TTC19: variants seen among roughly 807,000 people sequenced by gnomAD.
TTC19 encodes tetratricopeptide repeat protein 19, mitochondrial.
TTC19 carries 38 observed loss-of-function variants against 49.5 expected under a neutral mutation model. The ratio of observed to expected loss-of-function variants is 0.77; its 90% confidence interval spans 0.59 to 1.01. The LOEUF is 1.01. Among genes scored for constraint, TTC19 ranks in the 50% least tolerant of loss-of-function variants. TTC19 has a pLI of 0.00. For synonymous variants in TTC19, 204 were observed against 185.2 expected, an observed-to-expected ratio of 1.10 and a Z score of -0.83; for missense variants, 475 against 477.7, an observed-to-expected ratio of 0.99 and a Z score of 0.05.
chr17:16,023,840 A>G (rs1341116384), intron 7 of TTC19: 1 of 152,254 alleles, frequency 6.6e-6, no homozygotes, highest in Non-Finnish European at 1.5e-5. Flanking sequence ...GTCTCATTTT[A>G]GTAACATAGT....
chr17:16,016,987 C>T (rs749382351), intron 7 of TTC19, among the ~76,000 whole-genome samples: 1 of 152,178 alleles, frequency 6.6e-6, no homozygotes, highest in Non-Finnish European at 1.5e-5. Flanking sequence ...AGCCACCATG[C>T]CCGGCCGATA....
chr17:16,017,448 CAAA>C (rs372559333), intron 7 of TTC19, among the ~76,000 whole-genome samples: 4,376 of 53,520 alleles, frequency 0.082, 136 homozygotes, highest in South Asian at 0.19. Flanking sequence ...GACTCCGGCT[CAAA>C]AAAAAAAAAA....
At chr17:16,026,905 A>G in intron 9 of TTC19, 1 of 652,126 alleles carries the variant, frequency 1.5e-6, no homozygotes, top group South Asian at 1.8e-5. Flanking sequence ...ACAGACCTGC[A>G]CTAGCCTGTC....
chr17:16,002,418 C>T (rs1244543387), intron 3 of TTC19, among the ~76,000 whole-genome samples: 2 of 152,122 alleles, frequency 1.3e-5, no homozygotes, highest in Non-Finnish European at 2.9e-5. Flanking sequence ...CTCAGGTGAT[C>T]CACCTGCCTT....
chr17:16,025,115 A>G lies in TTC19; in HGVS notation c.775A>G (p.Met259Val). ...CAAGCAGCCGTCACAGGCACAAAGG[A>G]TGTATGAAAAAGCTCTGCAGATTTC... ...FSKQPSQAQR[M>V]YEKALQISEE... Residue 259 changes from methionine to valine, a missense_variant, in exon 8 of 10, where the codon ATG becomes GTG. By Grantham distance (21) the Met-to-Val change is conservative. Transcript: ENST00000261647. 6.2e-7 allele frequency: 1 copy of G among 1,614,006 alleles called. No individual in the cohort carries two copies. Among genetic ancestry groups the G allele is most frequent in the Non-Finnish European group, 8.5e-7 (1 of 1,179,908 alleles).
At position 16,026,710 on chromosome 17, in the gene TTC19, G is replaced by C; in HGVS notation, c.994+8G>C. Reference sequence around the variant, plus strand: ...CAGTTTTGATGCACAGAGGTAGGTAGCAATGTAAACTTAACTGACTTGCTT... The same window carrying C: ...CAGTTTTGATGCACAGAGGTAGGTACCAATGTAAACTTAACTGACTTGCTT... On this transcript the variant is annotated splice_region_variant and intron_variant, in intron 9 of 9. Coordinates refer to ENST00000261647, the MANE Select transcript of TTC19 (RefSeq NM_017775.4). 1 of 1,613,930 alleles carries C rather than the reference G, an allele frequency of 6.2e-7. No individual in the cohort carries two copies. The highest frequency in any genetic ancestry group is 8.5e-7 in the Non-Finnish European group (1 of 1,179,850).
chr17:16,017,058 GATAT>G (rs1330605138), intron 7 of TTC19, among the ~76,000 whole-genome samples: 2 of 152,180 alleles, frequency 1.3e-5, no homozygotes, highest in African/African-American at 2.4e-5. Flanking sequence ...CAGTCTCATA[GATAT>G]ATTTATTTGT....
At chr17:16,022,584 T>G (rs938546440) in intron 7 of TTC19, among the ~76,000 whole-genome samples, 2 of 152,202 alleles carry the variant, frequency 1.3e-5, no homozygotes, top group African/African-American at 4.8e-5. Context: ...TATGCTCAAG[T>G]TTTCCTAAAT....
intron 2 of TTC19, 46 bp from the exon 3 acceptor site, chr17:16,001,869 A>G: frequency 3.7e-6 from 5 of 1,336,584 alleles, no homozygotes; most frequent in East Asian, 2.3e-5. Flanking sequence ...TAGCATATGC[A>G]TCTACTATAT....
chr17:15,999,834 G>T lies in TTC19; in HGVS notation c.-15G>T. On this transcript the variant is annotated 5_prime_UTR_variant, in exon 1 of 10. The change creates a new upstream start codon in the 5' untranslated region. Coordinates refer to ENST00000261647, the MANE Select transcript of TTC19 (RefSeq NM_017775.4). ...GCGCGTCTGGCCTGCAGTGCGCAGAGGACGCGGCGGGAGCATGTTCCGGCT... is the reference window on the plus strand; with the variant it reads ...GCGCGTCTGGCCTGCAGTGCGCAGATGACGCGGCGGGAGCATGTTCCGGCT... The T allele has an allele frequency of 6.5e-7, 1 of 1,533,530 alleles. No homozygotes were observed. Among genetic ancestry groups the T allele is most frequent in the Non-Finnish European group, 8.7e-7 (1 of 1,148,226 alleles). 95.0% of individuals were successfully genotyped at this position (1,533,530 alleles called of 1,614,324 possible). A position where few individuals can be genotyped will look rare whatever the true frequency, so the allele number is the denominator to read the frequency against.
chr17:16,031,614 T>C (rs1387548233), downstream of TTC19: 2 of 220,152 alleles, frequency 9.1e-6, no homozygotes, highest in African/African-American at 4.5e-5. Flanking sequence ...AAAAAAAAAA[T>C]TAAAGCCTGC....
At chr17:16,040,681 T>C (rs760975175) in intron 2 of TTC19, 1 of 623,558 alleles carries the variant, frequency 1.6e-6, no homozygotes, top group South Asian at 1.6e-5. Flanking sequence ...CTCACTCTGT[T>C]GCCCAGGCTA....
intron 4 of TTC19, among the ~76,000 whole-genome samples, chr17:16,003,094 G>A (rs1970790963): frequency 1.3e-5 from 2 of 152,152 alleles, no homozygotes; most frequent in Admixed American, 1.3e-4. Context: ...TAGGTGAGCT[G>A]ACTCACCTCC....
At chr17:16,013,590 A>G (rs944491832) in intron 7 of TTC19, among the ~76,000 whole-genome samples, 2 of 152,150 alleles carry the variant, frequency 1.3e-5, no homozygotes, top group African/African-American at 2.4e-5. Flanking sequence ...TAATCAATCT[A>G]TATGTACTAA....
intron 4 of TTC19, among the ~76,000 whole-genome samples, chr17:16,003,295 G>T (rs1365299546): frequency 6.6e-6 from 1 of 152,110 alleles, no homozygotes; most frequent in East Asian, 1.9e-4. Context: ...CTGTTGCCCA[G>T]GTTGGAGTGC....
rs541919608 is a variant in TTC19, at chr17:16,008,244, C to T, written c.676+1676C>T. ...GCAGACTTATAATTATGATTGCCCA[C>T]CCGACATCTTGACTTGAAGTCTAAT... On this transcript the variant is annotated intron_variant, in intron 7 of 9. Transcript: ENST00000261647. Among the ~76,000 whole-genome samples the T allele has an allele frequency of 5.3e-5, 8 of 152,310 alleles. No individual in the cohort carries two copies. In the South Asian group the frequency reaches 1.7e-3, roughly 32 times the overall value.
chr17:16,035,329 A>G (rs540405428), intron 2 of TTC19, among the ~76,000 whole-genome samples: 13 of 152,072 alleles, frequency 8.5e-5, no homozygotes, highest in Non-Finnish European at 1.8e-4. Context: ...TTCTTTATTA[A>G]CTGGGTTTAT....
chr17:16,027,362 G>A lies in TTC19; in HGVS notation c.995-12G>A. ...TTTCTTCTTACTGTCCCTTCTCTCT[G>A]GGTTATTTTAGAACGATATACACAA... On this transcript the variant is annotated splice_polypyrimidine_tract_variant and intron_variant, in intron 9 of 9. Transcript: ENST00000261647. The A allele has an allele frequency of 1.9e-6, 3 of 1,613,700 alleles. No homozygotes were observed. The South Asian group carries it at 3.3e-5, about 18-fold the overall frequency.
chr17:16,025,043 C>T lies in TTC19; in HGVS notation c.703C>T (p.Leu235Phe), dbSNP rs766798071. The change falls in exon 8 of 10, where the codon CTC becomes TTC. Residue 235 changes from leucine (L) to phenylalanine (F), a missense_variant. Coordinates refer to ENST00000261647, the MANE Select transcript of TTC19 (RefSeq NM_017775.4). ...GGAAGAGAAAGCCAATACCCACCTCCTCTTGGGCATGTGCTTAGACGCCTG... is the reference window on the plus strand; with the variant it reads ...GGAAGAGAAAGCCAATACCCACCTCTTCTTGGGCATGTGCTTAGACGCCTG... ...SVEEKANTHL[L>F]LGMCLDACAR... is the part of the protein sequence containing the mutation. The T allele has an allele frequency of 3.1e-6, 5 of 1,613,850 alleles. No individual in the cohort carries two copies. The highest frequency in any genetic ancestry group is 3.3e-5 in the Admixed American group (2 of 59,996).
Sources: gnomAD v4.1 joint callset for allele counts (sites outside exome capture counted in the v4.1 genomes callset) on GRCh38, gnomAD v4.1.1 for gene constraint, MANE v1.5 for transcripts, NCBI Gene and HGNC (gene_info 2026-07-23, HGNC 2026-07-21) for gene names.